Variants in TAF1B observed in about 807,000 individuals in gnomAD.
TAF1B encodes the protein TATA-box binding protein associated factor, RNA polymerase I subunit B.
In TAF1B, 61 loss-of-function variants were observed where a neutral mutation model predicts 83.9. The ratio of observed to expected loss-of-function variants is 0.73; its 90% CI spans 0.59 to 0.90. The LOEUF (loss-of-function observed/expected upper bound fraction) is 0.90, where lower values mean the gene tolerates loss of function less well. Among genes scored for constraint, TAF1B ranks in the 40% least tolerant of loss-of-function variants. The probability of loss-of-function intolerance (pLI) is 0.00; values close to 1 mark genes in which losing one functional copy is unlikely to be tolerated. For missense variants in TAF1B, 625 were observed against 677.0 expected (o/e 0.92, Z 0.85); for synonymous variants, 221 against 224.6 (o/e 0.98, Z 0.14).
In TAF1B at chr2:9,893,699, C is replaced by T. The variant is rs144925525; in HGVS notation, c.807+10894C>T. 1.4e-3 allele frequency among the ~76,000 whole-genome samples: 210 copies of T among 152,070 alleles called. 6 individuals are homozygous for T. The East Asian group carries it at 0.036, about 26-fold the overall frequency. On this transcript the variant is annotated intron_variant, in intron 8 of 14. Coordinates refer to ENST00000263663, the MANE Select transcript of TAF1B (RefSeq NM_005680.3). ...GCAAGACCCTGTCTCAAATAATAAT[C>T]ATAACTTTAAAAAAAAGGCAAAGCT...
At chr2:9,865,189 C>T (rs563646088) in intron 5 of TAF1B, among the ~76,000 whole-genome samples, 4 of 152,220 alleles carry the variant, frequency 2.6e-5, no homozygotes, top group South Asian at 2.1e-4. Context: ...GTCTAGAGAA[C>T]CCCATTGTCT....
At chr2:9,870,526 C>T (rs1664135039) in intron 6 of TAF1B, among the ~76,000 whole-genome samples, 1 of 152,196 alleles carries the variant, frequency 6.6e-6, no homozygotes, top group Admixed American at 6.5e-5. Context: ...CAGCTAATGT[C>T]CTGTTCCCAA....
intron 8 of TAF1B, among the ~76,000 whole-genome samples, chr2:9,899,302 A>G (rs925122090): frequency 1.3e-5 from 2 of 152,206 alleles, no homozygotes; most frequent in Non-Finnish European, 2.9e-5. Flanking sequence ...TTCACTTAGC[A>G]TAATATCTTT....
chr2:9,911,484 A>C, intron 10 of TAF1B, 27 bp from the exon 11 acceptor site: 1 of 1,484,664 alleles, frequency 6.7e-7, no homozygotes, highest in Non-Finnish European at 9.1e-7. Context: ...CTTCTAAATA[A>C]ATTGATTTGT....
At chr2:9,867,663 C>T (rs923600339) in intron 5 of TAF1B, among the ~76,000 whole-genome samples, 3 of 151,088 alleles carry the variant, frequency 2.0e-5, no homozygotes, top group Non-Finnish European at 4.4e-5. Flanking sequence ...TTTAGGTAGC[C>T]AGCCAGCTGA....
chr2:9,934,236 C>A lies in TAF1B; in HGVS notation c.*252C>A. ...ACAATAGCAAATTGTATAATTGTATCCAGAAATGTATACTCATCGTATTTT... is the reference window on the plus strand; with the variant it reads ...ACAATAGCAAATTGTATAATTGTATACAGAAATGTATACTCATCGTATTTT... On this transcript the variant is annotated 3_prime_UTR_variant, in exon 15 of 15. Transcript: ENST00000263663. 1 of 348,398 alleles carries A rather than the reference C, an allele frequency of 2.9e-6. No individual in the cohort carries two copies. The highest frequency in any genetic ancestry group is 5.2e-6 in the Non-Finnish European group (1 of 191,502). 21.6% of individuals were successfully genotyped at this position (348,398 alleles called of 1,614,324 possible). A position where few individuals can be genotyped will look rare whatever the true frequency, so the allele number is the denominator to read the frequency against.
chr2:9,929,533 C>G (rs1666149775), intron 14 of TAF1B, among the ~76,000 whole-genome samples: 1 of 152,134 alleles, frequency 6.6e-6, no homozygotes, highest in Non-Finnish European at 1.5e-5. Flanking sequence ...AGGGATGAAG[C>G]CGACTTGATC....
chr2:9,902,367 A>G (rs1309987570), intron 8 of TAF1B, among the ~76,000 whole-genome samples: 1 of 152,108 alleles, frequency 6.6e-6, no homozygotes, highest in Non-Finnish European at 1.5e-5. Flanking sequence ...AAGCGTTACC[A>G]GCACCCCAGG....
intron 14 of TAF1B, among the ~76,000 whole-genome samples, chr2:9,921,881 C>T (rs1316935097): frequency 2.0e-5 from 3 of 152,126 alleles, no homozygotes; most frequent in Non-Finnish European, 4.4e-5. Context: ...AAAGGCCATT[C>T]AATAAAATAG....
intron 8 of TAF1B, among the ~76,000 whole-genome samples, chr2:9,893,442 T>C (rs1664929557): frequency 6.6e-6 from 1 of 152,224 alleles, no homozygotes; most frequent in Non-Finnish European, 1.5e-5. Flanking sequence ...TATAGTCATA[T>C]AATGGTACAG....
Position 9,919,597 on chromosome 2 carries a change from G to T in TAF1B, c.1343-1G>T. ...TGTTTCCTTTTTTTCTCCGGTTCCAGAAATGGTGGTGAATCTACAGAAACA... is the reference window on the plus strand; with the variant it reads ...TGTTTCCTTTTTTTCTCCGGTTCCATAAATGGTGGTGAATCTACAGAAACA... On this transcript the variant is annotated splice_acceptor_variant, in intron 13 of 14. Coordinates refer to ENST00000263663, the MANE Select transcript of TAF1B (RefSeq NM_005680.3). LOFTEE classifies it high-confidence loss of function. 6.2e-7 allele frequency: 1 copy of T among 1,612,300 alleles called. No homozygotes were observed. The highest frequency in any genetic ancestry group is 2.2e-5 in the East Asian group (1 of 44,868).
chr2:9,923,871 A>G (rs1320772831), intron 14 of TAF1B, among the ~76,000 whole-genome samples: 1 of 151,878 alleles, frequency 6.6e-6, no homozygotes, highest in Non-Finnish European at 1.5e-5. Flanking sequence ...CTTGCCCACA[A>G]CTCCAAGTGA....
intron 8 of TAF1B, 24 bp from the exon 9 acceptor site, chr2:9,904,835 A>C (rs377093361): frequency 1.2e-6 from 2 of 1,600,770 alleles, no homozygotes; most frequent in Non-Finnish European, 1.7e-6. Flanking sequence ...AATTGCAACT[A>C]TGATGGTCTC....
chr2:9,903,468 G>A (rs1665247417), intron 8 of TAF1B, among the ~76,000 whole-genome samples: 1 of 152,080 alleles, frequency 6.6e-6, no homozygotes. Flanking sequence ...TTTATAAATT[G>A]CAAAAATACA....
chr2:9,930,945 T>A (rs1182874195), intron 14 of TAF1B, among the ~76,000 whole-genome samples: 1 of 152,244 alleles, frequency 6.6e-6, no homozygotes, highest in Non-Finnish European at 1.5e-5. Context: ...TTTCTTTTGA[T>A]CTTTGTTGGT....
intron 5 of TAF1B, among the ~76,000 whole-genome samples, chr2:9,861,195 TAGTCA>T (rs1469639784): frequency 6.6e-6 from 1 of 152,234 alleles, no homozygotes; most frequent in Non-Finnish European, 1.5e-5. Flanking sequence ...TTCCCTTTCC[TAGTCA>T]AAGACAGGGG....
At chr2:9,845,948 A>T (rs1176621906) in intron 2 of TAF1B, 1 of 399,846 alleles carries the variant, frequency 2.5e-6, no homozygotes, top group Non-Finnish European at 5.1e-6. Flanking sequence ...ACGCCACTGT[A>T]CTCCAGCCTG....
At chr2:9,849,496 A>T (rs1428252156) in intron 3 of TAF1B, 36 bp downstream of exon 3, 4 of 1,420,010 alleles carry the variant, frequency 2.8e-6, no homozygotes, top group African/African-American at 2.9e-5. Context: ...AACATTCTTT[A>T]TTCACATCTT....
chr2:9,930,143 A>ATT (rs140906271), intron 14 of TAF1B, among the ~76,000 whole-genome samples: 17 of 151,706 alleles, frequency 1.1e-4, no homozygotes, highest in South Asian at 4.2e-4. Flanking sequence ...GGATTCATTG[A>ATT]TTTTTTTAAG....
Sources: allele counts gnomAD v4.1 joint callset (sites outside exome capture counted in the v4.1 genomes callset), GRCh38; gene constraint gnomAD v4.1.1; transcripts MANE v1.5; gene names NCBI Gene and HGNC (gene_info 2026-07-23, HGNC 2026-07-21).